The following NRXN3 variants were observed in gnomAD, a reference collection of about 807,000 sequenced individuals.
NRXN3 encodes neurexin III.
In NRXN3, 32 loss-of-function variants were observed where a neutral mutation model predicts 137.6. The ratio of observed to expected loss-of-function variants is 0.23; its 90% CI spans 0.18 to 0.31. The LOEUF (loss-of-function observed/expected upper bound fraction) is 0.31, where lower values mean the gene tolerates loss of function less well. Ranked by LOEUF, NRXN3 falls within the 10% of genes least tolerant of loss-of-function variation. NRXN3 has a pLI of 1.00. For synonymous variants in NRXN3, 798 were observed against 784.5 expected (o/e 1.02, Z -0.29); for missense variants, 1,574 against 2,062.5 (o/e 0.76, Z 4.59).
At chr14:79,564,549 G>A (rs1438256092) in intron 16 of NRXN3, among the ~76,000 whole-genome samples, 3 of 152,066 alleles carry the variant, frequency 2.0e-5, no homozygotes, top group Non-Finnish European at 4.4e-5. Flanking sequence ...CACTTTATCT[G>A]GACCTGTGGT....
chr14:78,349,736 A>G (rs2083227830), intron 4 of NRXN3, among the ~76,000 whole-genome samples: 1 of 152,212 alleles, frequency 6.6e-6, no homozygotes, highest in Admixed American at 6.5e-5. Context: ...TAGACACTCA[A>G]TATAGGATAG....
At chr14:78,216,174 A>C (rs1488200178) in intron 1 of NRXN3, among the ~76,000 whole-genome samples, 1 of 151,092 alleles carries the variant, frequency 6.6e-6, no homozygotes, top group Non-Finnish European at 1.5e-5. Flanking sequence ...GTATAAAAGT[A>C]ATTATATTCA....
chr14:78,489,736 G>A (rs2095629377), intron 4 of NRXN3, among the ~76,000 whole-genome samples: 1 of 152,090 alleles, frequency 6.6e-6, no homozygotes, highest in Non-Finnish European at 1.5e-5. Flanking sequence ...TGGAAGCTCA[G>A]GGAAGCAGAT....
chr14:78,578,671 A>G (rs1420732108), intron 4 of NRXN3, among the ~76,000 whole-genome samples: 3 of 152,216 alleles, frequency 2.0e-5, no homozygotes, highest in African/African-American at 7.2e-5. Context: ...AGAACACCAA[A>G]AAGATGTTAG....
chr14:78,183,864 A>G (rs1481051592), intron 1 of NRXN3, among the ~76,000 whole-genome samples: 2 of 152,216 alleles, frequency 1.3e-5, no homozygotes, highest in African/African-American at 2.4e-5. Flanking sequence ...AAATCAAGAT[A>G]GAAAAGGGAA....
At chr14:78,638,798 T>C (rs1254749203) in intron 4 of NRXN3, among the ~76,000 whole-genome samples, 4 of 152,192 alleles carry the variant, frequency 2.6e-5, no homozygotes, top group Admixed American at 6.5e-5. Context: ...AATACTCAAA[T>C]TGCTGTTTTA....
At chr14:78,425,984 G>A (rs779118533) in intron 4 of NRXN3, among the ~76,000 whole-genome samples, 1 of 152,208 alleles carries the variant, frequency 6.6e-6, no homozygotes, top group Non-Finnish European at 1.5e-5. Context: ...GGCACTTCCT[G>A]TGCAGTTCCA....
At chr14:79,771,146 C>CA (rs1322954294) in intron 19 of NRXN3, among the ~76,000 whole-genome samples, 1 of 152,014 alleles carries the variant, frequency 6.6e-6, no homozygotes, top group Non-Finnish European at 1.5e-5. Context: ...GCTTGCCAAC[C>CA]AAAAAGAGTC....
At chr14:78,794,739 A>G (rs2098816101) in intron 8 of NRXN3, among the ~76,000 whole-genome samples, 1 of 151,916 alleles carries the variant, frequency 6.6e-6, no homozygotes, top group Non-Finnish European at 1.5e-5. Flanking sequence ...GTATGTCTAC[A>G]TCTCTTATAT....
At chr14:79,842,797 A>G (rs1344438052) in intron 20 of NRXN3, among the ~76,000 whole-genome samples, 2 of 152,166 alleles carry the variant, frequency 1.3e-5, no homozygotes, top group Non-Finnish European at 2.9e-5. Context: ...ACAATACACT[A>G]TTACTAACTA....
chr14:79,590,367 TC>T (rs1372472474), intron 16 of NRXN3, among the ~76,000 whole-genome samples: 1 of 132,164 alleles, frequency 7.6e-6, no homozygotes, highest in Non-Finnish European at 1.5e-5. Context: ...TTGTGAGGCC[TC>T]CCCAGCGATG....
At chr14:78,306,840 A>G (rs1199191028) in intron 4 of NRXN3, among the ~76,000 whole-genome samples, 2 of 152,198 alleles carry the variant, frequency 1.3e-5, no homozygotes, top group African/African-American at 4.8e-5. Context: ...CTAAGTACAC[A>G]GAAACTGAGC....
At chr14:79,824,004 AC>A (rs1305640848) in intron 20 of NRXN3, 2 of 403,936 alleles carry the variant, frequency 5.0e-6, no homozygotes, top group Non-Finnish European at 1.1e-5. Flanking sequence ...TCTGCTTGGA[AC>A]CCAGGAACAC....
At chr14:78,762,954 C>A (rs968276491) in intron 8 of NRXN3, among the ~76,000 whole-genome samples, 5 of 152,132 alleles carry the variant, frequency 3.3e-5, no homozygotes, top group African/African-American at 1.2e-4. Flanking sequence ...GTCCAGAGTT[C>A]TTCACCCTGA....
At chr14:78,346,894 A>G (rs1005702190) in intron 4 of NRXN3, among the ~76,000 whole-genome samples, 6 of 152,196 alleles carry the variant, frequency 3.9e-5, no homozygotes, top group African/African-American at 1.4e-4. Flanking sequence ...TGTGGAAAGA[A>G]AAGCAGTCAT....
chr14:79,681,539 G>A (rs1391023947), intron 17 of NRXN3, among the ~76,000 whole-genome samples: 3 of 152,026 alleles, frequency 2.0e-5, no homozygotes, highest in African/African-American at 7.2e-5. Context: ...GGCAATCTCA[G>A]GTGTAGGCAG....
chr14:78,758,896 C>G (rs2098680779), intron 8 of NRXN3, among the ~76,000 whole-genome samples: 1 of 152,108 alleles, frequency 6.6e-6, no homozygotes, highest in African/African-American at 2.4e-5. Context: ...GTAGATTCTC[C>G]CTGGAGGAAA....
At chr14:79,784,680 G>C (rs1429089529) in intron 19 of NRXN3, among the ~76,000 whole-genome samples, 3 of 141,604 alleles carry the variant, frequency 2.1e-5, no homozygotes, top group African/African-American at 7.8e-5. Flanking sequence ...GGTCCAAATG[G>C]TGTTTAAAGC....
At chr14:79,397,533 T>A (rs913980517) in intron 15 of NRXN3, among the ~76,000 whole-genome samples, 3 of 152,198 alleles carry the variant, frequency 2.0e-5, no homozygotes, top group African/African-American at 7.2e-5. Flanking sequence ...TATATCTACA[T>A]CACAGGTAGT....
Sources: gnomAD v4.1 joint callset for allele counts (sites outside exome capture counted in the v4.1 genomes callset) on GRCh38, gnomAD v4.1.1 for gene constraint, MANE v1.5 for transcripts, NCBI Gene and HGNC (gene_info 2026-07-23, HGNC 2026-07-21) for gene names.